Variants in COPE observed in about 807,000 individuals in gnomAD.
The protein encoded by COPE is coat protein complex I subunit epsilon, also known as coatomer subunit epsilon.
A neutral mutation model predicts 42.1 loss-of-function variants in COPE; 19 were observed. That is an observed-to-expected ratio of 0.45 (90% CI 0.31 to 0.66). The LOEUF is 0.66. Ranked by LOEUF, COPE falls within the 30% of genes least tolerant of loss-of-function variation. The pLI is 0.05. For synonymous variants in COPE, 195 were observed against 181.3 expected (o/e 1.08, Z -0.60); for missense variants, 402 against 416.1 (o/e 0.97, Z 0.30).
chr19:18,911,307 C>A, intron 2 of COPE: 1 of 546,664 alleles, frequency 1.8e-6, no homozygotes, highest in Non-Finnish European at 3.3e-6. Flanking sequence ...AGCTAGGGAC[C>A]CTGGTAGGTT....
intron 7 of COPE, among the ~76,000 whole-genome samples, chr19:18,902,893 C>T (rs925874296): frequency 2.0e-5 from 3 of 151,714 alleles, no homozygotes; most frequent in East Asian, 1.9e-4. Context: ...GCTCTCTCAA[C>T]GAAGAGCTCC....
intron 7 of COPE, among the ~76,000 whole-genome samples, chr19:18,901,661 G>C (rs1237552690): frequency 1.3e-5 from 2 of 152,248 alleles, no homozygotes; most frequent in African/African-American, 2.4e-5. Context: ...GGGCGCACTG[G>C]CGCATGTCTA....
At position 18,918,126 on chromosome 19, in the gene COPE, T is replaced by A. The variant is rs534289274; in HGVS notation, c.126+1097A>T. ...AATTGCTTGAACCTGGGGGCGGAGG[T>A]TGCAGTGAGCCGAGATCACGCCACT... On this transcript the variant is annotated intron_variant, in intron 1 of 9. Coordinates refer to ENST00000262812, the MANE Select transcript of COPE (RefSeq NM_007263.4). Among the ~76,000 whole-genome samples the A allele has an allele frequency of 9.7e-5, 13 of 134,338 alleles. No individual in the cohort carries two copies. In the East Asian group the frequency reaches 2.1e-3, roughly 22 times the overall value. The allele number at this position is 134,338 out of a possible 152,430, so 88.1% of individuals were successfully genotyped here. A position where few individuals can be genotyped will look rare whatever the true frequency, so the allele number is the denominator to read the frequency against.
In COPE at chr19:18,919,352, G is replaced by A. The variant is rs1410157673; in HGVS notation, c.-4C>T. 1.9e-6 allele frequency: 3 copies of A among 1,613,300 alleles called. No homozygotes were observed. Among genetic ancestry groups the A allele is most frequent in the African/African-American group, 1.3e-5 (1 of 74,954 alleles). On this transcript the variant is annotated 5_prime_UTR_variant, in exon 1 of 10. Coordinates refer to ENST00000262812, the MANE Select transcript of COPE (RefSeq NM_007263.4). ...GGCCGGGGGCCGGAGGCGCCATTTC[G>A]CTGTCTTCTCACCAGCTCCTCTTCC...
intron 6 of COPE, among the ~76,000 whole-genome samples, chr19:18,904,552 C>T (rs1054991797): frequency 1.3e-5 from 2 of 152,382 alleles, no homozygotes; most frequent in African/African-American, 2.4e-5. Flanking sequence ...AACCCGTCCC[C>T]GCCCCCACCA....
rs200762688 is a variant in COPE at position 18,910,982 on chromosome 19, G to T, written c.279C>A (p.His93Gln). 2 of 1,613,832 alleles carry T rather than the reference G, an allele frequency of 1.2e-6. No homozygotes were observed. The highest frequency in any genetic ancestry group is 2.2e-5 in the South Asian group (2 of 91,088). Residue 93 changes from histidine (H) to glutamine (Q), a missense_variant, in exon 3 of 10, where the codon CAC becomes CAA. His to Gln is a conservative substitution (Grantham distance 24). Transcript: ENST00000262812. The stretch of plus-strand genomic sequence containing the variant: ...CTCTGGGGCCTCACCTCCGACTCTC[G>T]TGGGCGAGGTAGTCAGCAAACATGC... ...AVRMFADYLA[H>Q]ESRRDSIVAE...
intron 1 of COPE, among the ~76,000 whole-genome samples, chr19:18,915,452 C>T (rs2056846476): frequency 6.6e-6 from 1 of 152,210 alleles, no homozygotes. Context: ...GCTCTGGAAC[C>T]GTTGTGGTTT....
At chr19:18,905,987 G>A (rs193171214) in intron 4 of COPE, 36 of 438,744 alleles carry the variant, frequency 8.2e-5, no homozygotes, top group Admixed American at 4.8e-4. Context: ...CCACGCACCC[G>A]CCCCTGCACC....
In COPE at chr19:18,913,005, C is replaced by T. The variant is rs1230333166; in HGVS notation, c.168G>A (p.Leu56=). 1.2e-6 allele frequency: 2 copies of T among 1,612,132 alleles called. No individual in the cohort carries two copies. The highest frequency in any genetic ancestry group is 1.7e-6 in the Non-Finnish European group (2 of 1,179,928). The part of the protein sequence containing the change: ...PERDVERDVF[L]YRAYLAQRKF... ...TCACCTGCGCCAGGTACGCTCTATA[C>T]AGGAAGACGTCCCTCTCCACGTCTC... Residue 56 remains leucine (L), a synonymous_variant, in exon 2 of 10, where the codon CTG becomes CTA. Transcript: ENST00000262812.
chr19:18,906,967 G>C lies in COPE; in HGVS notation c.436C>G (p.Leu146Val), dbSNP rs1319906291. ...AGCAGGGAGGCCACTCACCACTCCA[G>C]GCTGTCCCCCTGGTGCAGCGCACGC... ...ALRALHQGDS[L>V]ECTAMTVQIL... Residue 146 changes from leucine (L) to valine (V), a missense_variant, in exon 4 of 10, where the codon CTG becomes GTG. Physicochemically the swap from Leu to Val is conservative, Grantham distance 32. Transcript: ENST00000262812. 1.3e-6 allele frequency: 2 copies of C among 1,559,718 alleles called. No homozygotes were observed. Among genetic ancestry groups the C allele is most frequent in the Non-Finnish European group, 1.7e-6 (2 of 1,152,372 alleles).
intron 7 of COPE, among the ~76,000 whole-genome samples, chr19:18,901,020 T>G (rs2056693778): frequency 2.0e-5 from 3 of 152,322 alleles, no homozygotes; most frequent in Admixed American, 6.5e-5. Flanking sequence ...GGCACCTTTT[T>G]GCAGACCGGA....
chr19:18,907,136 C>G, intron 3 of COPE, 24 bp from the exon 4 acceptor site: 1 of 1,605,122 alleles, frequency 6.2e-7, no homozygotes. Context: ...ATGCTCACGA[C>G]CCACAGCTGG....
intron 1 of COPE, among the ~76,000 whole-genome samples, chr19:18,916,401 C>T (rs2056854254): frequency 6.6e-6 from 1 of 151,768 alleles, no homozygotes; most frequent in Non-Finnish European, 1.5e-5. Context: ...CACCTGTAAT[C>T]CCAGCACTGT....
chr19:18,906,035 G>A, intron 4 of COPE: 1 of 414,224 alleles, frequency 2.4e-6, no homozygotes. Context: ...CCCACTCTCT[G>A]CAGGCCCCCT....
intron 8 of COPE, 56 bp downstream of exon 8, chr19:18,900,325 C>T: frequency 7.0e-7 from 1 of 1,426,284 alleles, no homozygotes; most frequent in Non-Finnish European, 9.5e-7. Flanking sequence ...GGACCCCAGG[C>T]TGGGGTCCCA....
intron 4 of COPE, chr19:18,906,612 G>T (rs1200559632): frequency 4.8e-6 from 1 of 209,206 alleles, no homozygotes. Context: ...CGGTATGGGG[G>T]GCCCGGGGAG....
chr19:18,910,882 A>C (rs2056803082), intron 3 of COPE, 89 bp downstream of exon 3: 1 of 1,144,918 alleles, frequency 8.7e-7, no homozygotes, highest in Non-Finnish European at 1.3e-6. Context: ...TGTGCGCTGC[A>C]CGCCATGCCC....
intron 7 of COPE, among the ~76,000 whole-genome samples, chr19:18,902,428 G>A (rs2056708477): frequency 6.6e-6 from 1 of 151,450 alleles, no homozygotes; most frequent in Admixed American, 6.6e-5. Context: ...ACTTTGGGAG[G>A]CTGAGGCGGG....
intron 4 of COPE, chr19:18,906,687 C>T (rs1464709204): frequency 5.7e-6 from 2 of 352,504 alleles, no homozygotes; most frequent in Non-Finnish European, 1.0e-5. Flanking sequence ...ACACAGAAAC[C>T]GAGCAGAGAC....
Sources: allele counts gnomAD v4.1 joint callset (sites outside exome capture counted in the v4.1 genomes callset), GRCh38; gene constraint gnomAD v4.1.1; transcripts MANE v1.5; gene names NCBI Gene and HGNC (gene_info 2026-07-23, HGNC 2026-07-21).